Variants in CLVS1 observed in about 807,000 individuals in gnomAD.
The protein encoded by CLVS1 is clavesin-1.
A neutral mutation model predicts 33.1 loss-of-function variants in CLVS1; 10 were observed. The ratio of observed to expected loss-of-function variants is 0.30; its 90% CI spans 0.19 to 0.51. CLVS1 has a LOEUF of 0.51. Among genes scored for constraint, CLVS1 ranks in the 20% least tolerant of loss-of-function variants. The pLI, the probability that CLVS1 is intolerant of heterozygous loss-of-function variation, is 0.97. For synonymous variants in CLVS1, 163 were observed against 166.1 expected, an observed-to-expected ratio of 0.98 and a Z score of 0.14; for missense variants, 343 against 433.4, an observed-to-expected ratio of 0.79 and a Z score of 1.85.
At chr8:61,077,991 C>A (rs1021471116) in intron 1 of CLVS1, among the ~76,000 whole-genome samples, 1 of 152,154 alleles carries the variant, frequency 6.6e-6, no homozygotes, top group Non-Finnish European at 1.5e-5. Context: ...TGGGATCAGA[C>A]CTCCCCTGCT....
At position 61,497,785 on chromosome 8, in the gene CLVS1, C is replaced by T. The variant is rs149709259; in HGVS notation, c.978-1670C>T. Among the ~76,000 whole-genome samples the T allele has an allele frequency of 5.8e-3, 887 of 152,292 alleles. 7 individuals carry two copies. Among genetic ancestry groups the T allele is most frequent in the Non-Finnish European group, 8.9e-3 (607 of 68,028 alleles). ...ATAGAAAGAGCAGCTCTGAGGGCTG[C>T]TGGTTGCCCATTCTTACGGTTATTT... On this transcript the variant is annotated intron_variant, in intron 5 of 5. Transcript: ENST00000325897.
chr8:61,029,841 G>T, the CLVS1 span, among the ~76,000 whole-genome samples: 4 of 152,154 alleles, frequency 2.6e-5, no homozygotes, highest in African/African-American at 9.7e-5. Context: ...AAGGATGCAG[G>T]TCTTGGGTGG....
In CLVS1 at chr8:61,117,767, G is replaced by A. The variant is rs887055256; in HGVS notation, c.-242-14003G>A. Among the ~76,000 whole-genome samples the A allele has an allele frequency of 2.4e-3, 359 of 152,292 alleles. 2 individuals are homozygous for A. Among genetic ancestry groups the A allele is most frequent in the South Asian group, 0.022 (104 of 4,822 alleles). On this transcript the variant is annotated intron_variant, in intron 1 of 2. Coordinates refer to the CLVS1 transcript ENST00000522621. ...AGCTTTTTGATGTGCTGCTGGATTC[G>A]GAGTGCCAGTATTTTATTGAGGATT...
At chr8:61,176,482 T>C (rs1375136610) in intron 2 of CLVS1, among the ~76,000 whole-genome samples, 3 of 152,204 alleles carry the variant, frequency 2.0e-5, no homozygotes, top group Non-Finnish European at 2.9e-5. Context: ...ATTAAAAGTA[T>C]AGCTACTATC....
intron 2 of CLVS1, among the ~76,000 whole-genome samples, chr8:61,257,788 T>C (rs1417349164): frequency 6.6e-6 from 1 of 152,094 alleles, no homozygotes; most frequent in Non-Finnish European, 1.5e-5. Context: ...AAATTTGGAG[T>C]TGAGAAAATA....
intron 2 of CLVS1, among the ~76,000 whole-genome samples, chr8:61,371,834 C>T (rs1813451166): frequency 6.6e-6 from 1 of 152,196 alleles, no homozygotes; most frequent in African/African-American, 2.4e-5. Context: ...TATTCATAAT[C>T]TCTAACTGCT....
At chr8:61,439,746 CA>C (rs1296056465) in intron 3 of CLVS1, among the ~76,000 whole-genome samples, 3 of 152,034 alleles carry the variant, frequency 2.0e-5, no homozygotes, top group Admixed American at 1.3e-4. Flanking sequence ...AGGTTTGTAC[CA>C]TGAGATAATT....
chr8:61,037,095 C>T, the CLVS1 span, among the ~76,000 whole-genome samples: 1 of 152,198 alleles, frequency 6.6e-6, no homozygotes, highest in Non-Finnish European at 1.5e-5. Flanking sequence ...AAACTAAAAA[C>T]ATTCATTTGC....
At chr8:61,046,565 TA>T in the CLVS1 span, among the ~76,000 whole-genome samples, 4 of 148,460 alleles carry the variant, frequency 2.7e-5, no homozygotes, top group Admixed American at 2.7e-4. Context: ...ATTGAATCTA[TA>T]AATTACCTTG....
chr8:61,339,931 GAT>G lies in CLVS1; in HGVS notation c.456-36672_456-36671del, dbSNP rs1222766905. ...AGGGAAAGAAAGAGAGTGAAAGAAA[GAT>G]AAAAGAAAGAGAGGGGTAAAGGGAG... On this transcript the variant is annotated intron_variant, in intron 2 of 5. Coordinates refer to ENST00000325897, the MANE Select transcript of CLVS1 (RefSeq NM_173519.3). 2.0e-5 allele frequency among the ~76,000 whole-genome samples: 3 copies of G among 148,262 alleles called. No individual in the cohort carries two copies. In the Admixed American group the frequency reaches 2.0e-4, roughly 10 times the overall value.
chr8:61,090,038 A>G (rs1160696175), intron 1 of CLVS1, among the ~76,000 whole-genome samples: 3 of 152,182 alleles, frequency 2.0e-5, no homozygotes, highest in African/African-American at 7.2e-5. Context: ...TCCTGCTGTT[A>G]TTTGAGCAGC....
chr8:61,454,576 A>C (rs1817080700), intron 4 of CLVS1, among the ~76,000 whole-genome samples: 1 of 152,164 alleles, frequency 6.6e-6, no homozygotes, highest in Non-Finnish European at 1.5e-5. Context: ...CTGTTCATAA[A>C]ATGTTTTAGT....
chr8:61,191,822 A>T (rs896066233), intron 2 of CLVS1, among the ~76,000 whole-genome samples: 79 of 152,314 alleles, frequency 5.2e-4, no homozygotes, highest in African/African-American at 1.9e-3. Context: ...CTTACAAGGG[A>T]TGTGAAGGAC....
chr8:61,370,207 T>G (rs940305978), intron 2 of CLVS1: 1 of 152,070 alleles, frequency 6.6e-6, no homozygotes, highest in Non-Finnish European at 1.5e-5. Flanking sequence ...AAAAAAAATT[T>G]TATTTTTTGT....
chr8:61,206,051 G>C (rs143270281), intron 2 of CLVS1, among the ~76,000 whole-genome samples: 3 of 152,158 alleles, frequency 2.0e-5, no homozygotes, highest in African/African-American at 7.2e-5. Context: ...TCTGTCAAGC[G>C]TATAAGTAGC....
chr8:61,172,737 G>T (rs1807029939), intron 2 of CLVS1, among the ~76,000 whole-genome samples: 1 of 152,036 alleles, frequency 6.6e-6, no homozygotes, highest in Non-Finnish European at 1.5e-5. Context: ...CAAAAACAGT[G>T]TTCCTAACTA....
In CLVS1 at chr8:61,454,341, TTC is replaced by T. The variant is rs1231591962; in HGVS notation, c.741+96_741+97del. The T allele has an allele frequency of 5.6e-6, 5 of 887,334 alleles. No individual in the cohort carries two copies. In the East Asian group the frequency reaches 1.2e-4, roughly 22 times the overall value. 55.0% of individuals were successfully genotyped at this position (887,334 alleles called of 1,614,324 possible). A position where few individuals can be genotyped will look rare whatever the true frequency, so the allele number is the denominator to read the frequency against. ...CCCTCCTCTCTCCTTTCCCCCCTTT[TTC>T]TCTCTTTCTCTCTTTATCTTTCACT... is the stretch of plus-strand genomic sequence containing the variant. On this transcript the variant is annotated intron_variant, in intron 4 of 5. Coordinates refer to ENST00000325897, the MANE Select transcript of CLVS1 (RefSeq NM_173519.3).
At chr8:61,040,885 T>C in the CLVS1 span, among the ~76,000 whole-genome samples, 53 of 152,356 alleles carry the variant, frequency 3.5e-4, no homozygotes, top group South Asian at 4.8e-3. Flanking sequence ...TCTTGAGGAC[T>C]TGGTCATAAA....
At chr8:60,998,553 A>C in the CLVS1 span, among the ~76,000 whole-genome samples, 5 of 152,030 alleles carry the variant, frequency 3.3e-5, no homozygotes, top group African/African-American at 9.7e-5. Flanking sequence ...GGACAAAAAG[A>C]ATTCCTGCTG....
Sources: gnomAD v4.1 joint callset for allele counts (sites outside exome capture counted in the v4.1 genomes callset) on GRCh38, gnomAD v4.1.1 for gene constraint, MANE v1.5 for transcripts, NCBI Gene and HGNC (gene_info 2026-07-23, HGNC 2026-07-21) for gene names.